The following LLGL2 variants were observed in gnomAD, a reference collection of about 807,000 sequenced individuals.
The protein encoded by LLGL2 is LLGL2, scribble cell polarity complex component.
A neutral mutation model predicts 123.2 loss-of-function variants in LLGL2; 81 were observed. The observed-to-expected ratio is 0.66, with a 90% CI of 0.55 to 0.79. The LOEUF is 0.79. LLGL2 is among the 30% of genes least tolerant of loss of function. The pLI is 0.00. For synonymous variants in LLGL2, 577 were observed against 594.1 expected (o/e 0.97, Z 0.42); for missense variants, 1,273 against 1,414.6 (o/e 0.90, Z 1.61).
chr17:75,563,283 G>A (rs1402208965), intron 7 of LLGL2, 48 bp from the exon 8 acceptor site: 9 of 1,603,788 alleles, frequency 5.6e-6, no homozygotes, highest in Admixed American at 1.7e-5. Context: ...TGGGAACGCC[G>A]CCTCGGTCCA....
At chr17:75,565,217 G>T (rs757577689) in intron 10 of LLGL2, among the ~76,000 whole-genome samples, 1 of 152,228 alleles carries the variant, frequency 6.6e-6, no homozygotes, top group African/African-American at 2.4e-5. Context: ...CAGCAGGACC[G>T]GCAGAGCCCT....
chr17:75,553,388 C>G (rs964269989), intron 2 of LLGL2, among the ~76,000 whole-genome samples: 1 of 152,202 alleles, frequency 6.6e-6, no homozygotes, highest in Non-Finnish European at 1.5e-5. Context: ...AGCTCTCCTC[C>G]CTGCCTGACC....
intron 2 of LLGL2, among the ~76,000 whole-genome samples, chr17:75,548,166 A>G (rs745939163): frequency 1.3e-4 from 19 of 151,822 alleles, no homozygotes; most frequent in Non-Finnish European, 1.9e-4. Flanking sequence ...TCTGAAATCT[A>G]AAACCCTCTA....
intron 21 of LLGL2, 126 bp downstream of exon 21, chr17:75,573,757 C>A: frequency 8.1e-7 from 1 of 1,238,780 alleles, no homozygotes; most frequent in Non-Finnish European, 1.1e-6. Context: ...CCCTCCCAGG[C>A]TCCGGCTCTC....
At chr17:75,530,702 A>G (rs1434720262) in intron 1 of LLGL2, among the ~76,000 whole-genome samples, 1 of 151,376 alleles carries the variant, frequency 6.6e-6, no homozygotes, top group Non-Finnish European at 1.5e-5. Context: ...TGTTGTCCCA[A>G]TTACATGGGA....
rs1258205771 is a variant in LLGL2, at chr17:75,537,142, C to A, written c.-30-6255C>A. Among the ~76,000 whole-genome samples the A allele has an allele frequency of 3.9e-5, 6 of 152,130 alleles. No homozygotes were observed. In the East Asian group the frequency reaches 9.6e-4, roughly 24 times the overall value. ...CCGGCCCTTTTATTCCTTTTAATGA[C>A]TGGAAGCCTTTTGTCATAGGCCTGA... On this transcript the variant is annotated intron_variant, in intron 1 of 25. Transcript: ENST00000392550.
chr17:75,570,188 G>C lies in LLGL2; in HGVS notation c.1807G>C (p.Val603Leu). ...SLALHSEWRL[V>L]AFGTSHGFGL... Reference sequence around the variant, plus strand: ...GGCCCTGCACTCTGAGTGGCGGCTCGTGGCCTTCGGCACCAGCCATGGCTT... The same window carrying C: ...GGCCCTGCACTCTGAGTGGCGGCTCCTGGCCTTCGGCACCAGCCATGGCTT... The change falls in exon 15 of 26, where the codon GTG becomes CTG. Residue 603 changes from valine to leucine, a missense_variant. Coordinates refer to ENST00000392550, the MANE Select transcript of LLGL2 (RefSeq NM_001031803.2). 1 of 1,585,612 alleles carries C rather than the reference G, an allele frequency of 6.3e-7. No individual in the cohort carries two copies. Among genetic ancestry groups the C allele is most frequent in the Admixed American group, 1.9e-5 (1 of 54,044 alleles).
rs2054623316 is a variant in LLGL2, at chr17:75,550,642, A to G, written c.76-5404A>G. 1.1e-4 allele frequency among the ~76,000 whole-genome samples: 17 copies of G among 152,082 alleles called. 1 individual carries two copies. The South Asian group carries it at 3.5e-3, about 32-fold the overall frequency. On this transcript the variant is annotated intron_variant, in intron 2 of 25. Transcript: ENST00000392550. ...TCTACAAAAAATACAAAAATTAGCC[A>G]GCTGTGGTGGCGCATGCCTGTAGTT...
intron 1 of LLGL2, among the ~76,000 whole-genome samples, chr17:75,526,931 G>T (rs141890823): frequency 6.6e-6 from 1 of 152,098 alleles, no homozygotes; most frequent in South Asian, 2.1e-4. Context: ...ACTTTGGGAA[G>T]CCAAGGCAGG....
Position 75,563,433 on chromosome 17 carries a change from C to T in LLGL2, c.796C>T (p.Pro266Ser), listed in dbSNP as rs2055313124. Reference sequence around the variant, plus strand: ...GCCCGTGTCCAGCGAAGCCCAGCAACCAGAGCCCCTCCGCAGCCTCGTGCC... The same window carrying T: ...GCCCGTGTCCAGCGAAGCCCAGCAATCAGAGCCCCTCCGCAGCCTCGTGCC... ...QWPVSSEAQQ[P>S]EPLRSLVPYG... The change falls in exon 8 of 26, where the codon CCA becomes TCA. Residue 266 changes from proline to serine, a missense_variant. Transcript: ENST00000392550. The T allele has an allele frequency of 6.2e-7, 1 of 1,612,694 alleles. No homozygotes were observed. Among genetic ancestry groups the T allele is most frequent in the Non-Finnish European group, 8.5e-7 (1 of 1,180,044 alleles).
At position 75,558,334 on chromosome 17, in the gene LLGL2, C is replaced by G; in HGVS notation, c.255+98C>G. On this transcript the variant is annotated intron_variant, in intron 4 of 25. Transcript: ENST00000392550. This position sits in a 1 kb window ranked among gnomAD's most constrained non-coding sequence, Gnocchi z 4.0. ...TGTGGAGAGGCTGGCATTCGGTGGCCCTGGGTTTGCTGCTGATGGAAAGAC... is the reference window on the plus strand; with the variant it reads ...TGTGGAGAGGCTGGCATTCGGTGGCGCTGGGTTTGCTGCTGATGGAAAGAC... The G allele has an allele frequency of 1.5e-6, 2 of 1,311,916 alleles. No homozygotes were observed. The highest frequency in any genetic ancestry group is 2.1e-6 in the Non-Finnish European group (2 of 940,614). The allele number at this position is 1,311,916 out of a possible 1,614,324, so 81.3% of individuals were successfully genotyped here.
rs1011746866 is a variant in LLGL2 at position 75,544,086 on chromosome 17, G to A, written c.75+585G>A. ...CTACCCCAATCCCAAACCTGTATCC[G>A]GGGTACCAGAAGGCCCACGGGGCTT... On this transcript the variant is annotated intron_variant, in intron 2 of 25. Coordinates refer to ENST00000392550, the MANE Select transcript of LLGL2 (RefSeq NM_001031803.2). This position sits in a 1 kb window ranked among gnomAD's most constrained non-coding sequence, Gnocchi z 4.2. Among the ~76,000 whole-genome samples, 6 of 152,176 alleles carry A rather than the reference G, an allele frequency of 3.9e-5. No individual in the cohort carries two copies. The highest frequency in any genetic ancestry group is 2.1e-4 in the South Asian group (1 of 4,828).
intron 8 of LLGL2, 46 bp from the exon 9 acceptor site, chr17:75,563,706 G>C: frequency 6.2e-7 from 1 of 1,607,736 alleles, no homozygotes; most frequent in South Asian, 1.1e-5. Flanking sequence ...ACTGACACTT[G>C]TCTGAGAGTT....
At chr17:75,542,373 G>A (rs1235983935) in intron 1 of LLGL2, among the ~76,000 whole-genome samples, 2 of 152,010 alleles carry the variant, frequency 1.3e-5, no homozygotes, top group South Asian at 2.1e-4. Context: ...CCAGGGTGCG[G>A]CCTGGATCTG....
At chr17:75,538,109 C>G (rs1476459239) in intron 1 of LLGL2, among the ~76,000 whole-genome samples, 4 of 152,190 alleles carry the variant, frequency 2.6e-5, no homozygotes, top group African/African-American at 7.2e-5. Flanking sequence ...CCTCGCCCAG[C>G]CTGGAAGGGG....
upstream of LLGL2, among the ~76,000 whole-genome samples, chr17:75,525,484 G>A (rs2053523405): frequency 6.6e-6 from 1 of 151,834 alleles, no homozygotes; most frequent in African/African-American, 2.4e-5. The surrounding 1 kb of genome is among the most constrained non-coding windows in gnomAD (Gnocchi z 4.8). Context: ...GTGCGCGCAG[G>A]TGAGGCCGGG....
chr17:75,530,588 G>T (rs962179143), intron 1 of LLGL2, among the ~76,000 whole-genome samples: 1 of 151,044 alleles, frequency 6.6e-6, no homozygotes. Context: ...AGGCAGAGCT[G>T]GCAGTGAGCC....
At chr17:75,550,513 G>C (rs1009291053) in intron 2 of LLGL2, among the ~76,000 whole-genome samples, 1 of 152,108 alleles carries the variant, frequency 6.6e-6, no homozygotes, top group Admixed American at 6.5e-5. Context: ...GGCCGGGCGC[G>C]GTGGCTTACA....
intron 2 of LLGL2, among the ~76,000 whole-genome samples, chr17:75,545,507 G>T (rs1228550175): frequency 6.6e-6 from 1 of 152,058 alleles, no homozygotes; most frequent in Admixed American, 6.5e-5. Context: ...GACTCATCCG[G>T]CTCGGGGAGT....
Sources: gnomAD v4.1 joint callset for allele counts (sites outside exome capture counted in the v4.1 genomes callset) on GRCh38, gnomAD v4.1.1 for gene constraint, Gnocchi (gnomAD v3.1) non-coding constraint, MANE v1.5 for transcripts, NCBI Gene and HGNC (gene_info 2026-07-23, HGNC 2026-07-21) for gene names.